The following SLIT2 variants were observed in gnomAD, a reference collection of about 807,000 sequenced individuals.
SLIT2 encodes slit homolog 2 protein.
In SLIT2, 41 loss-of-function variants were observed where a neutral mutation model predicts 185.7. The observed-to-expected ratio is 0.22, with a 90% CI of 0.17 to 0.29. The LOEUF (loss-of-function observed/expected upper bound fraction) is 0.29. Ranked by LOEUF, SLIT2 falls within the 10% of genes least tolerant of loss-of-function variation. SLIT2 has a pLI of 1.00. For synonymous variants in SLIT2, 693 were observed against 680.2 expected (o/e 1.02, Z -0.29); for missense variants, 1,571 against 1,909.0 (o/e 0.82, Z 3.30).
At chr4:20,544,538 T>C (rs1364467240) in intron 21 of SLIT2, among the ~76,000 whole-genome samples, 1 of 152,118 alleles carries the variant, frequency 6.6e-6, no homozygotes, top group Non-Finnish European at 1.5e-5. Context: ...GAGAAAAATA[T>C]TAGCTTATCT....
chr4:20,268,973 A>G (rs573986180), intron 4 of SLIT2, 92 bp downstream of exon 4: 15 of 812,822 alleles, frequency 1.8e-5, no homozygotes, highest in Non-Finnish European at 2.2e-6. Context: ...CTTTCCTGGA[A>G]TCTGTTCATC....
chr4:20,546,167 A>C lies in SLIT2; in HGVS notation c.2345+68A>C, dbSNP rs760959665. The C allele has an allele frequency of 4.9e-6, 4 of 816,418 alleles. No individual in the cohort carries two copies. In the Middle Eastern group the frequency reaches 6.9e-4, roughly 141 times the overall value. 50.6% of individuals were successfully genotyped at this position (816,418 alleles called of 1,614,324 possible). ...AGAAAATGGGGATGGCAAGGGACAGAAGATTTAGTGAACCTTCCAGATAAT... is the reference window on the plus strand; with the variant it reads ...AGAAAATGGGGATGGCAAGGGACAGCAGATTTAGTGAACCTTCCAGATAAT... On this transcript the variant is annotated intron_variant, in intron 22 of 36. Transcript: ENST00000504154.
chr4:20,512,755 C>T (rs1719869744), intron 11 of SLIT2, among the ~76,000 whole-genome samples: 1 of 152,114 alleles, frequency 6.6e-6, no homozygotes, highest in African/African-American at 2.4e-5. Flanking sequence ...CAATTTTGGT[C>T]CTCAAAGATA....
rs554615622 is a variant in SLIT2 at position 20,259,928 on chromosome 4, A to G, written c.323+1989A>G. Among the ~76,000 whole-genome samples the G allele has an allele frequency of 2.6e-5, 4 of 151,978 alleles. No individual in the cohort carries two copies. In the East Asian group the frequency reaches 7.7e-4, roughly 29 times the overall value. ...ACAACTGCCAAATCCATCTGATGGAAGCACATTGTTATCTGACAGCCAATT... is the reference window on the plus strand; with the variant it reads ...ACAACTGCCAAATCCATCTGATGGAGGCACATTGTTATCTGACAGCCAATT... On this transcript the variant is annotated intron_variant, in intron 3 of 36. Coordinates refer to ENST00000504154, the MANE Select transcript of SLIT2 (RefSeq NM_004787.4).
chr4:20,364,164 A>G (rs1158479228), intron 4 of SLIT2: 1 of 540,216 alleles, frequency 1.9e-6, no homozygotes, highest in Non-Finnish European at 2.4e-6. Context: ...TCTGAAAAGC[A>G]GACTTTACAC....
intron 4 of SLIT2, among the ~76,000 whole-genome samples, chr4:20,331,825 C>T (rs1041046178): frequency 6.6e-6 from 1 of 152,154 alleles, no homozygotes; most frequent in Non-Finnish European, 1.5e-5. Flanking sequence ...CATTTTCTGT[C>T]TCCATGTATT....
chr4:20,620,227 G>A lies in SLIT2; in HGVS notation c.*1218G>A. 3.1e-6 allele frequency: 1 copy of A among 319,076 alleles called. No homozygotes were observed. Among genetic ancestry groups the A allele is most frequent in the Non-Finnish European group, 6.0e-6 (1 of 165,660 alleles). The allele number at this position is 319,076 out of a possible 1,614,324, so 19.8% of individuals were successfully genotyped here. On this transcript the variant is annotated 3_prime_UTR_variant, in exon 37 of 37. Coordinates refer to ENST00000504154, the MANE Select transcript of SLIT2 (RefSeq NM_004787.4). ...CTTGACCTTTTTTGCCCTTTTGTGG[G>A]GGTGAGGTGGGGATAAAAAGACTGT...
chr4:20,302,457 A>G (rs913069029), intron 4 of SLIT2, among the ~76,000 whole-genome samples: 17 of 152,282 alleles, frequency 1.1e-4, no homozygotes, highest in African/African-American at 3.4e-4. Context: ...TAAATAAATC[A>G]TAATGTCTAT....
chr4:20,425,274 T>C (rs540461165), intron 4 of SLIT2, among the ~76,000 whole-genome samples: 10 of 152,314 alleles, frequency 6.6e-5, no homozygotes, highest in African/African-American at 2.4e-4. Context: ...TGCAGAGTTA[T>C]TGTTACTGTT....
chr4:20,403,299 C>T (rs911531776), intron 4 of SLIT2, among the ~76,000 whole-genome samples: 5 of 151,900 alleles, frequency 3.3e-5, no homozygotes, highest in African/African-American at 4.8e-5. Flanking sequence ...AATCATTGCT[C>T]AGTTATCATA....
intron 4 of SLIT2, among the ~76,000 whole-genome samples, chr4:20,419,963 A>C (rs529487696): frequency 6.6e-6 from 1 of 152,254 alleles, no homozygotes; most frequent in East Asian, 1.9e-4. Flanking sequence ...TGGAACATTA[A>C]CATGGCTCAT....
At position 20,542,578 on chromosome 4, in the gene SLIT2, A is replaced by G; in HGVS notation, c.2228A>G (p.Lys743Arg). 6.2e-7 allele frequency: 1 copy of G among 1,613,938 alleles called. No individual in the cohort carries two copies. Among genetic ancestry groups the G allele is most frequent in the African/African-American group, 1.3e-5 (1 of 75,038 alleles). ...GATACAGTCGTCCGATGTAGCAACA[A>G]GGGTTTGAAGGTCTTGCCGAAAGGT... ...CLDTVVRCSNKGLKVLPKGIP... is the reference protein window; with the variant it reads ...CLDTVVRCSNRGLKVLPKGIP... Residue 743 changes from lysine (K) to arginine (R), a missense_variant, in exon 21 of 37, where the codon AAG (lysine) becomes AGG (arginine). This residue lies in a region of SLIT2 where 1,202 missense variants were observed against 1,416.4 expected (regional missense o/e 0.85). Transcript: ENST00000504154.
chr4:20,282,399 C>G (rs933801744), intron 4 of SLIT2, among the ~76,000 whole-genome samples: 15 of 152,108 alleles, frequency 9.9e-5, no homozygotes, highest in African/African-American at 3.6e-4. Context: ...AGTGTGATAT[C>G]TATTACCAGA....
intron 4 of SLIT2, among the ~76,000 whole-genome samples, chr4:20,399,595 C>T (rs572273286): frequency 1.3e-5 from 2 of 151,870 alleles, no homozygotes; most frequent in East Asian, 3.9e-4. Flanking sequence ...ACAAGTGTTC[C>T]TTGAGTACCT....
intron 33 of SLIT2, among the ~76,000 whole-genome samples, chr4:20,602,420 A>G (rs959161036): frequency 3.9e-5 from 6 of 152,326 alleles, no homozygotes; most frequent in Middle Eastern, 3.4e-3. Context: ...AGTAGTATGC[A>G]TATTTTCTCA....
rs117894837 is a variant in SLIT2, at chr4:20,344,100, C to T, written c.395+75219C>T. Among the ~76,000 whole-genome samples the T allele has an allele frequency of 6.6e-5, 10 of 152,258 alleles. No homozygotes were observed. In the East Asian group the frequency reaches 1.9e-3, roughly 29 times the overall value. ...TCCTGACCTTGTGATCCACTCACCT[C>T]GGACTCCCAAAGTGTGGGATTACAG... On this transcript the variant is annotated intron_variant, in intron 4 of 36. Coordinates refer to ENST00000504154, the MANE Select transcript of SLIT2 (RefSeq NM_004787.4).
At position 20,342,840 on chromosome 4, in the gene SLIT2, G is replaced by A. The variant is rs147769978; in HGVS notation, c.395+73959G>A. Among the ~76,000 whole-genome samples the A allele has an allele frequency of 4.1e-3, 581 of 143,068 alleles. 2 individuals are homozygous for A. Among genetic ancestry groups the A allele is most frequent in the African/African-American group, 0.014 (524 of 38,570 alleles). 93.9% of individuals were successfully genotyped at this position (143,068 alleles called of 152,430 possible). On this transcript the variant is annotated intron_variant, in intron 4 of 36. Transcript: ENST00000504154. ...TGTGGATAGTGGTACATGATTAGAA[G>A]CCTAAATGTGTAAGTCAGGAAACTA...
intron 4 of SLIT2, among the ~76,000 whole-genome samples, chr4:20,296,107 C>T (rs1209002162): frequency 1.3e-5 from 2 of 152,208 alleles, no homozygotes; most frequent in African/African-American, 2.4e-5. Context: ...ACAAGCTAGA[C>T]AAATTAATTT....
chr4:20,293,382 A>G (rs1716156953), intron 4 of SLIT2, among the ~76,000 whole-genome samples: 3 of 152,222 alleles, frequency 2.0e-5, no homozygotes, highest in African/African-American at 4.8e-5. Flanking sequence ...TTAGGAAAAG[A>G]GGAAGGACAT....
Sources: gnomAD v4.1 joint callset for allele counts (sites outside exome capture counted in the v4.1 genomes callset) on GRCh38, gnomAD v4.1.1 for gene constraint, gnomAD v4.1.1 regional missense constraint, MANE v1.5 for transcripts, NCBI Gene and HGNC (gene_info 2026-07-23, HGNC 2026-07-21) for gene names.